SLCO4C1: variants seen among roughly 807,000 people sequenced by gnomAD.
The protein encoded by SLCO4C1 is organic anion transporter M1.
In SLCO4C1, 58 loss-of-function variants were observed where a neutral mutation model predicts 72.1. The observed-to-expected ratio is 0.80, with a 90% CI of 0.65 to 1.00. SLCO4C1 has a LOEUF of 1.00. Among genes scored for constraint, SLCO4C1 ranks in the 50% least tolerant of loss-of-function variants. The pLI is 0.00. For missense variants in SLCO4C1, 898 were observed against 857.9 expected (o/e 1.05, Z -0.58); for synonymous variants, 297 against 312.5 (o/e 0.95, Z 0.52).
At chr5:102,247,623 G>T (rs933401989) in intron 9 of SLCO4C1, among the ~76,000 whole-genome samples, 181 bp from the exon 10 acceptor site, 1 of 152,102 alleles carries the variant, frequency 6.6e-6, no homozygotes, top group African/African-American at 2.4e-5. Flanking sequence ...CCATATTTAT[G>T]ATGTGGAATT....
chr5:102,276,653 G>A (rs62372160), intron 2 of SLCO4C1, among the ~76,000 whole-genome samples: 30,261 of 151,978 alleles, frequency 0.2, 3,806 homozygotes, highest in Non-Finnish European at 0.26. Context: ...AGTGTTAAGC[G>A]GCACCTAAGT....
chr5:102,293,077 A>T (rs1749585106), intron 1 of SLCO4C1, among the ~76,000 whole-genome samples: 1 of 152,144 alleles, frequency 6.6e-6, no homozygotes, highest in African/African-American at 2.4e-5. Flanking sequence ...TTTCAAAAAA[A>T]ATAAATTCAA....
chr5:102,288,781 A>T (rs1354666450), intron 2 of SLCO4C1, among the ~76,000 whole-genome samples: 1 of 152,166 alleles, frequency 6.6e-6, no homozygotes, highest in Non-Finnish European at 1.5e-5. Flanking sequence ...TTAGCTCTTC[A>T]CTATCCAGAT....
At chr5:102,260,344 TA>T in intron 5 of SLCO4C1, 25 bp from the exon 6 acceptor site, 1 of 317,066 alleles carries the variant, frequency 3.2e-6, no homozygotes, top group Non-Finnish European at 5.0e-6. Context: ...TATATATATA[TA>T]TAATATATAT....
intron 10 of SLCO4C1, among the ~76,000 whole-genome samples, chr5:102,243,075 G>A (rs536858401): frequency 5.3e-5 from 8 of 152,276 alleles, no homozygotes; most frequent in East Asian, 1.9e-4. Context: ...AGTACTCCTC[G>A]TGGCCTGGGT....
chr5:102,243,003 A>C (rs1748573838), intron 10 of SLCO4C1, among the ~76,000 whole-genome samples: 1 of 152,168 alleles, frequency 6.6e-6, no homozygotes, highest in African/African-American at 2.4e-5. Context: ...CCCAGCCAGC[A>C]TTCATGACAA....
At chr5:102,293,444 A>G (rs531948693) in intron 1 of SLCO4C1, among the ~76,000 whole-genome samples, 1 of 152,330 alleles carries the variant, frequency 6.6e-6, no homozygotes, top group Non-Finnish European at 1.5e-5. Context: ...TAAAAAAACA[A>G]AAACAAAAAA....
intron 1 of SLCO4C1, among the ~76,000 whole-genome samples, chr5:102,294,897 T>C (rs1749620109): frequency 6.6e-6 from 1 of 152,196 alleles, no homozygotes; most frequent in Admixed American, 6.5e-5. Context: ...CTAAAATCTA[T>C]ATTTCTAAGG....
intron 10 of SLCO4C1, among the ~76,000 whole-genome samples, chr5:102,246,158 A>C (rs1242420797): frequency 1.3e-5 from 2 of 151,988 alleles, no homozygotes; most frequent in Non-Finnish European, 2.9e-5. Context: ...TAAAATTAGT[A>C]GAAGAAAGGA....
At chr5:102,268,195 C>A (rs1413084836) in intron 3 of SLCO4C1, among the ~76,000 whole-genome samples, 1 of 152,018 alleles carries the variant, frequency 6.6e-6, no homozygotes, top group Non-Finnish European at 1.5e-5. Flanking sequence ...CATTAAAGTT[C>A]CCAACTGTTA....
intron 2 of SLCO4C1, among the ~76,000 whole-genome samples, chr5:102,283,276 T>C (rs1580265601): frequency 1.3e-5 from 2 of 151,990 alleles, no homozygotes; most frequent in Admixed American, 1.3e-4. Context: ...ACCACATATG[T>C]ATACTCTTCT....
chr5:102,239,252 T>A lies in SLCO4C1; in HGVS notation c.2013A>T (p.Ile671=). The A allele has an allele frequency of 6.4e-7, 1 of 1,563,454 alleles. No individual in the cohort carries two copies. Among genetic ancestry groups the A allele is most frequent in the Non-Finnish European group, 8.6e-7 (1 of 1,160,206 alleles). The change falls in exon 12 of 13, where the codon ATA becomes ATT. Residue 671 remains isoleucine, a splice_region_variant and synonymous_variant. Transcript: ENST00000310954. Reference sequence around the variant, plus strand: ...AATTATCAAGAAGTCACCACTTACTTATGGCTACTAGCATATGGGCCATCT... The same window carrying A: ...AATTATCAAGAAGTCACCACTTACTAATGGCTACTAGCATATGGGCCATCT... ...NIKMAHMLVA[I]SVTCKVITMF...
At chr5:102,251,807 G>C (rs540288912) in intron 8 of SLCO4C1, among the ~76,000 whole-genome samples, 1 of 152,288 alleles carries the variant, frequency 6.6e-6, no homozygotes, top group East Asian at 1.9e-4. Context: ...CAGTCATATA[G>C]TGTATGGAAT....
intron 2 of SLCO4C1, among the ~76,000 whole-genome samples, chr5:102,283,041 C>T (rs1749385902): frequency 6.6e-6 from 1 of 151,690 alleles, no homozygotes; most frequent in Admixed American, 6.6e-5. Context: ...TCTAAGTGGA[C>T]CCAATTAAGC....
At position 102,296,137 on chromosome 5, in the gene SLCO4C1, C is replaced by A; in HGVS notation, c.126G>T (p.Glu42Asp). Residue 42 changes from glutamate to aspartate, a missense_variant, in exon 1 of 13, where the codon GAG becomes GAT. Glu to Asp is a conservative substitution (Grantham distance 45). Coordinates refer to ENST00000310954, the MANE Select transcript of SLCO4C1 (RefSeq NM_180991.5). ...TCTGAAGCTCCTGTGGCTGAGAATT[C>A]TCTCTTTGGGGGTCAGAGGACAAGG... ...VSALSSDPQR[E>D]NSQPQELQKP... is the part of the protein sequence containing the mutation. 1 of 1,614,134 alleles carries A rather than the reference C, an allele frequency of 6.2e-7. No individual in the cohort carries two copies. Among genetic ancestry groups the A allele is most frequent in the Non-Finnish European group, 8.5e-7 (1 of 1,179,988 alleles).
chr5:102,265,456 T>G (rs1285725137), intron 3 of SLCO4C1, among the ~76,000 whole-genome samples: 1 of 152,188 alleles, frequency 6.6e-6, no homozygotes, highest in Non-Finnish European at 1.5e-5. Flanking sequence ...TTCTGAGTCT[T>G]ACATTTAAGT....
chr5:102,272,791 C>T (rs1481162566), intron 2 of SLCO4C1, among the ~76,000 whole-genome samples: 1 of 151,730 alleles, frequency 6.6e-6, no homozygotes, highest in African/African-American at 2.4e-5. Context: ...CCCGTCTCTA[C>T]TGAAAATACA....
chr5:102,240,233 T>C (rs917288087), intron 11 of SLCO4C1, among the ~76,000 whole-genome samples: 4 of 152,140 alleles, frequency 2.6e-5, no homozygotes, highest in African/African-American at 7.2e-5. Flanking sequence ...CTTAATATTA[T>C]GTTTACTATG....
chr5:102,292,844 A>C (rs1217569174), intron 1 of SLCO4C1, among the ~76,000 whole-genome samples: 1 of 151,986 alleles, frequency 6.6e-6, no homozygotes, highest in African/African-American at 2.4e-5. Context: ...AGGTATGATA[A>C]ATTGTTTTCA....
Sources: gnomAD v4.1 joint callset for allele counts (sites outside exome capture counted in the v4.1 genomes callset) on GRCh38, gnomAD v4.1.1 for gene constraint, MANE v1.5 for transcripts, NCBI Gene and HGNC (gene_info 2026-07-23, HGNC 2026-07-21) for gene names.